Variants in AGBL4 observed in about 807,000 individuals in gnomAD.
The protein encoded by AGBL4 is AGBL carboxypeptidase 4, also known as cytosolic carboxypeptidase 6.
In AGBL4, 58 loss-of-function variants were observed where a neutral mutation model predicts 66.4. The ratio of observed to expected loss-of-function variants is 0.87; its 90% CI spans 0.71 to 1.09. AGBL4 has a LOEUF of 1.09. AGBL4 is among the 50% of genes least tolerant of loss of function. AGBL4 has a pLI of 0.00. For missense variants in AGBL4, 579 were observed against 631.0 expected, an observed-to-expected ratio of 0.92 and a Z score of 0.88; for synonymous variants, 234 against 222.9, an observed-to-expected ratio of 1.05 and a Z score of -0.44.
chr1:49,354,988 CAGGG>C (rs1643988972), intron 3 of AGBL4, among the ~76,000 whole-genome samples: 1 of 152,142 alleles, frequency 6.6e-6, no homozygotes, highest in Non-Finnish European at 1.5e-5. Flanking sequence ...CACACTCACA[CAGGG>C]ATAATTTAGA....
At chr1:48,657,167 C>T (rs1051238103) in intron 7 of AGBL4, among the ~76,000 whole-genome samples, 3 of 152,108 alleles carry the variant, frequency 2.0e-5, no homozygotes. Context: ...CCTTAACCTC[C>T]CAGTTCCCCA....
intron 8 of AGBL4, among the ~76,000 whole-genome samples, chr1:48,641,939 T>C (rs1645762509): frequency 1.3e-5 from 2 of 152,124 alleles, no homozygotes; most frequent in Admixed American, 6.6e-5. Flanking sequence ...AAGTTTCAAA[T>C]GAGGGACTAA....
intron 3 of AGBL4, among the ~76,000 whole-genome samples, chr1:49,530,352 AC>A (rs1651039080): frequency 6.7e-6 from 1 of 149,688 alleles, no homozygotes; most frequent in Non-Finnish European, 1.5e-5. Flanking sequence ...CAGGTTTGTT[AC>A]ATACGTATAC....
intron 4 of AGBL4, among the ~76,000 whole-genome samples, chr1:49,053,795 C>T (rs1202642225): frequency 2.0e-5 from 3 of 152,122 alleles, no homozygotes; most frequent in African/African-American, 4.8e-5. Context: ...TTCCATTTCT[C>T]ATGACACGCA....
At chr1:49,936,792 G>A (rs1180317425) in intron 1 of AGBL4, among the ~76,000 whole-genome samples, 1 of 152,130 alleles carries the variant, frequency 6.6e-6, no homozygotes, top group Non-Finnish European at 1.5e-5. Flanking sequence ...CAAATGCTGA[G>A]AGATTTTGTC....
intron 5 of AGBL4, among the ~76,000 whole-genome samples, chr1:49,027,304 G>T (rs1428820945): frequency 6.6e-6 from 1 of 151,914 alleles, no homozygotes; most frequent in Non-Finnish European, 1.5e-5. Flanking sequence ...GAGATTACAG[G>T]TGTGTGCCAT....
intron 4 of AGBL4, among the ~76,000 whole-genome samples, chr1:49,083,959 C>A (rs910715379): frequency 1.3e-5 from 2 of 152,206 alleles, no homozygotes; most frequent in Non-Finnish European, 2.9e-5. Flanking sequence ...AGAGCAAGGG[C>A]AAAATGCTGC....
At chr1:49,092,587 C>G (rs1296761748) in intron 4 of AGBL4, among the ~76,000 whole-genome samples, 1 of 152,086 alleles carries the variant, frequency 6.6e-6, no homozygotes, top group African/African-American at 2.4e-5. Flanking sequence ...TAGACTAGTA[C>G]CTGTGCAACA....
chr1:49,653,657 A>C lies in AGBL4; in HGVS notation c.282+43656T>G, dbSNP rs565941109. 4.6e-5 allele frequency among the ~76,000 whole-genome samples: 7 copies of C among 151,938 alleles called. No homozygotes were observed. The East Asian group carries it at 1.4e-3, about 30-fold the overall frequency. On this transcript the variant is annotated intron_variant, in intron 3 of 13. Transcript: ENST00000371839. The stretch of plus-strand genomic sequence containing the variant: ...ACCTGACGGAGCTGAAAAACACAAC[A>C]TGAGAAGTTCACAATGCAAACACAA...
chr1:49,203,415 T>C (rs1647880487), intron 4 of AGBL4, among the ~76,000 whole-genome samples: 1 of 152,174 alleles, frequency 6.6e-6, no homozygotes, highest in Non-Finnish European at 1.5e-5. Context: ...ATAGTATATA[T>C]GCAATGGAAT....
At chr1:49,918,558 G>T (rs933276482) in intron 1 of AGBL4, among the ~76,000 whole-genome samples, 1 of 152,108 alleles carries the variant, frequency 6.6e-6, no homozygotes, top group Non-Finnish European at 1.5e-5. Flanking sequence ...TCCCTGAATA[G>T]ACCAATAACA....
intron 1 of AGBL4, among the ~76,000 whole-genome samples, chr1:49,868,680 G>T (rs149602297): frequency 6.6e-6 from 1 of 152,240 alleles, no homozygotes; most frequent in Non-Finnish European, 1.5e-5. Flanking sequence ...TACCATTCAG[G>T]ACATAGGCAG....
At chr1:48,682,320 T>G (rs1264360155) in intron 6 of AGBL4, among the ~76,000 whole-genome samples, 1 of 152,134 alleles carries the variant, frequency 6.6e-6, no homozygotes, top group Non-Finnish European at 1.5e-5. Context: ...TTTCCCTGGC[T>G]CTCTGGCTTG....
chr1:49,581,826 T>C (rs1644547645), intron 3 of AGBL4, among the ~76,000 whole-genome samples: 1 of 152,116 alleles, frequency 6.6e-6, no homozygotes, highest in Admixed American at 6.5e-5. Context: ...TCTGGGTGGC[T>C]TTCTTGCATG....
At chr1:49,694,250 T>G (rs1646941989) in intron 3 of AGBL4, among the ~76,000 whole-genome samples, 1 of 152,104 alleles carries the variant, frequency 6.6e-6, no homozygotes, top group Admixed American at 6.6e-5. Context: ...GAAAAAAAGA[T>G]TATAGAAAGA....
intron 3 of AGBL4, among the ~76,000 whole-genome samples, chr1:49,519,393 T>C (rs1028269970): frequency 6.6e-6 from 1 of 152,102 alleles, no homozygotes; most frequent in Non-Finnish European, 1.5e-5. Flanking sequence ...ATATTATCAC[T>C]TTAGTCTGTA....
intron 3 of AGBL4, among the ~76,000 whole-genome samples, chr1:49,461,231 C>T (rs1430476392): frequency 6.6e-6 from 1 of 151,644 alleles, no homozygotes; most frequent in African/African-American, 2.4e-5. Flanking sequence ...TCCTCAAGAA[C>T]ACCAATTATT....
chr1:48,794,094 T>G (rs1333555633), intron 6 of AGBL4, among the ~76,000 whole-genome samples: 1 of 152,170 alleles, frequency 6.6e-6, no homozygotes, highest in Non-Finnish European at 1.5e-5. Context: ...GTGGTTTTTG[T>G]GCAATTCTTA....
chr1:48,657,749 A>T (rs574183827), intron 7 of AGBL4, among the ~76,000 whole-genome samples: 1 of 152,332 alleles, frequency 6.6e-6, no homozygotes, highest in Non-Finnish European at 1.5e-5. Context: ...AAAGCACCCA[A>T]CCTTGAGGAA....
Sources: allele counts gnomAD v4.1 joint callset (sites outside exome capture counted in the v4.1 genomes callset), GRCh38; gene constraint gnomAD v4.1.1; transcripts MANE v1.5; gene names NCBI Gene and HGNC (gene_info 2026-07-23, HGNC 2026-07-21).